Variants in ENTREP2 observed in about 807,000 individuals in gnomAD.
ENTREP2 encodes the protein endosomal transmembrane epsin interactor 2, also known as protein ENTREP2.
chr15:29,617,174 G>A, the ENTREP2 span, among the ~76,000 whole-genome samples: 1 of 152,202 alleles, frequency 6.6e-6, no homozygotes, highest in Non-Finnish European at 1.5e-5. Context: ...TGGAGGCCCG[G>A]GAAAGCCAGG....
At chr15:29,259,623 T>C in the ENTREP2 span, among the ~76,000 whole-genome samples, 384 of 152,180 alleles carry the variant, frequency 2.5e-3, no homozygotes, top group Non-Finnish European at 4.3e-3. Flanking sequence ...TTCCTTGACT[T>C]TACTAACCAC....
chr15:29,240,612 C>T, the ENTREP2 span, among the ~76,000 whole-genome samples: 2 of 152,128 alleles, frequency 1.3e-5, no homozygotes, highest in Non-Finnish European at 2.9e-5. Context: ...GCTGGCCCCT[C>T]AATCTTGGAC....
chr15:29,529,829 G>A, the ENTREP2 span, among the ~76,000 whole-genome samples: 13 of 152,124 alleles, frequency 8.5e-5, no homozygotes, highest in Non-Finnish European at 2.9e-5. Context: ...TTTAGATATA[G>A]CAAAAACTCT....
chr15:29,601,189 G>A, the ENTREP2 span, among the ~76,000 whole-genome samples: 5 of 152,190 alleles, frequency 3.3e-5, no homozygotes, highest in East Asian at 1.9e-4. Flanking sequence ...GAGCCACCGC[G>A]CCCGGCCTGA....
chr15:29,594,455 G>A, the ENTREP2 span, among the ~76,000 whole-genome samples: 1 of 152,118 alleles, frequency 6.6e-6, no homozygotes. Flanking sequence ...TACAGGCTCT[G>A]CCAGCTCCTT....
At chr15:29,568,710 CAAAAA>C in the ENTREP2 span, among the ~76,000 whole-genome samples, 267 of 128,194 alleles carry the variant, frequency 2.1e-3, no homozygotes, top group African/African-American at 8.6e-3. Flanking sequence ...CCTCTTAAGG[CAAAAA>C]AAAAAAAAAA....
the ENTREP2 span, among the ~76,000 whole-genome samples, chr15:29,555,087 G>A: frequency 6.6e-6 from 1 of 152,210 alleles, no homozygotes; most frequent in Non-Finnish European, 1.5e-5. Context: ...AAGAAAGGCT[G>A]GAACTGTGTG....
chr15:29,245,720 A>G, the ENTREP2 span, among the ~76,000 whole-genome samples: 5 of 152,166 alleles, frequency 3.3e-5, no homozygotes, highest in African/African-American at 4.8e-5. Flanking sequence ...AGCAACTTAT[A>G]AACAAATATA....
At chr15:29,382,715 G>C in the ENTREP2 span, among the ~76,000 whole-genome samples, 2 of 152,064 alleles carry the variant, frequency 1.3e-5, no homozygotes, top group Non-Finnish European at 2.9e-5. Context: ...CTCCTGGCCT[G>C]CCTGTCTCCT....
chr15:29,478,009 A>T, the ENTREP2 span, among the ~76,000 whole-genome samples: 117 of 70,858 alleles, frequency 1.7e-3, 4 homozygotes, highest in African/African-American at 3.5e-3. Context: ...ATATATATAT[A>T]TATATATATA....
chr15:29,449,924 CT>C, the ENTREP2 span, among the ~76,000 whole-genome samples: 1 of 152,080 alleles, frequency 6.6e-6, no homozygotes, highest in African/African-American at 2.4e-5. Flanking sequence ...TGTTTTTTGA[CT>C]TTTTAATAGA....
the ENTREP2 span, among the ~76,000 whole-genome samples, chr15:29,402,954 A>T: frequency 3.5e-3 from 538 of 152,262 alleles, 1 homozygote; most frequent in Non-Finnish European, 5.9e-3. Flanking sequence ...AGCAGGCGGG[A>T]GAGGTGGACG....
the ENTREP2 span, among the ~76,000 whole-genome samples, chr15:29,307,944 T>C: frequency 2.0e-5 from 3 of 152,172 alleles, no homozygotes; most frequent in Admixed American, 2.0e-4. Context: ...ATGACTAAAA[T>C]ACCTATTAAT....
the ENTREP2 span, among the ~76,000 whole-genome samples, chr15:29,670,072 T>C: frequency 3.9e-5 from 6 of 152,324 alleles, no homozygotes; most frequent in African/African-American, 1.4e-4. Context: ...TATCGCATCT[T>C]GTATTTATGA....
chr15:29,546,910 AAAAAAC>A, the ENTREP2 span, among the ~76,000 whole-genome samples: 1 of 148,698 alleles, frequency 6.7e-6, no homozygotes, highest in African/African-American at 2.5e-5. Flanking sequence ...ACAACAAAAA[AAAAAAC>A]GGATACAATT....
chr15:29,289,547 A>G, the ENTREP2 span, among the ~76,000 whole-genome samples: 1 of 152,162 alleles, frequency 6.6e-6, no homozygotes, highest in East Asian at 1.9e-4. Context: ...GAGAGTGCAC[A>G]AAAAGATTTG....
At chr15:29,427,366 C>CT in the ENTREP2 span, among the ~76,000 whole-genome samples, 1 of 152,170 alleles carries the variant, frequency 6.6e-6, no homozygotes, top group Admixed American at 6.6e-5. Context: ...AGATATAGCC[C>CT]TATCTGTTAG....
chr15:29,636,616 C>T, the ENTREP2 span, among the ~76,000 whole-genome samples: 32 of 152,308 alleles, frequency 2.1e-4, 1 homozygote, highest in Middle Eastern at 3.4e-3. Flanking sequence ...GACCCTGATA[C>T]GACGCTCCTG....
the ENTREP2 span, among the ~76,000 whole-genome samples, chr15:29,500,396 C>CT: frequency 1.3e-5 from 2 of 152,080 alleles, no homozygotes; most frequent in Non-Finnish European, 2.9e-5. Flanking sequence ...AAAACATGTT[C>CT]TCTGATCACA....
Sources: gnomAD v4.1 joint callset for allele counts (sites outside exome capture counted in the v4.1 genomes callset) on GRCh38, gnomAD v4.1.1 for gene constraint, MANE v1.5 for transcripts, NCBI Gene and HGNC (gene_info 2026-07-23, HGNC 2026-07-21) for gene names.